SLC4A8: variants seen among roughly 807,000 people sequenced by gnomAD.
The protein encoded by SLC4A8 is solute carrier family 4 member 8.
Under a neutral mutation model 125.0 loss-of-function variants are expected in SLC4A8, and 40 were observed. That is an observed-to-expected ratio of 0.32 (90% CI 0.25 to 0.42). The LOEUF (loss-of-function observed/expected upper bound fraction) is 0.42. SLC4A8 is among the 10% of genes least tolerant of loss of function. The pLI is 1.00. For synonymous variants in SLC4A8, 456 were observed against 476.0 expected (o/e 0.96, Z 0.55); for missense variants, 863 against 1,355.1 (o/e 0.64, Z 5.70).
rs1937921142 is a variant in SLC4A8 at position 51,502,198 on chromosome 12, A to T, written c.3082-1831A>T. 3 of 152,254 alleles carry T rather than the reference A, an allele frequency of 2.0e-5. No individual in the cohort carries two copies. In the South Asian group the frequency reaches 6.2e-4, roughly 32 times the overall value. The allele number at this position is 152,254 out of a possible 1,614,324, so 9.4% of individuals were successfully genotyped here. On this transcript the variant is annotated intron_variant, in intron 22 of 24. Transcript: ENST00000453097. Reference sequence around the variant, plus strand: ...TCAGATTAGAAATGATTCTCTGAAAAAGAAATCATCTCTGATTTCTTTCAG... The same window carrying T: ...TCAGATTAGAAATGATTCTCTGAAATAGAAATCATCTCTGATTTCTTTCAG...
Position 51,503,342 on chromosome 12 carries a change from G to A in SLC4A8, c.3082-687G>A, listed in dbSNP as rs187868596. 7.4e-4 allele frequency among the ~76,000 whole-genome samples: 112 copies of A among 151,108 alleles called. 2 individuals are homozygous for A. In the East Asian group the frequency reaches 0.02, roughly 27 times the overall value. ...CGGGTTCACGCCATTCTCCGTCTCA[G>A]CTGGGACTACAGGCGCCCGCCACCA... On this transcript the variant is annotated intron_variant, in intron 22 of 24. Coordinates refer to ENST00000453097, the MANE Select transcript of SLC4A8 (RefSeq NM_001039960.3).
At chr12:51,430,887 T>C (rs1205699631) in intron 1 of SLC4A8, among the ~76,000 whole-genome samples, 1 of 152,204 alleles carries the variant, frequency 6.6e-6, no homozygotes, top group Admixed American at 6.5e-5. Context: ...AGTCATAATA[T>C]ATGTATTGGT....
chr12:51,496,433 TTC>T (rs1362186615), intron 21 of SLC4A8, among the ~76,000 whole-genome samples: 1 of 152,206 alleles, frequency 6.6e-6, no homozygotes, highest in Non-Finnish European at 1.5e-5. Context: ...GCGAGTCACT[TTC>T]TCTCTCTGGG....
chr12:51,460,589 T>G (rs1281907295), intron 8 of SLC4A8, among the ~76,000 whole-genome samples: 1 of 152,240 alleles, frequency 6.6e-6, no homozygotes, highest in African/African-American at 2.4e-5. Context: ...AAGTCTTATC[T>G]TCTCAGTTCT....
chr12:51,443,248 A>G (rs1949657383), intron 2 of SLC4A8, among the ~76,000 whole-genome samples: 1 of 152,094 alleles, frequency 6.6e-6, no homozygotes, highest in Admixed American at 6.6e-5. Context: ...CAGCCTCCCA[A>G]GTAGCTGGGG....
At chr12:51,400,503 GA>G (rs1165724033) in intron 1 of SLC4A8, among the ~76,000 whole-genome samples, 1 of 149,828 alleles carries the variant, frequency 6.7e-6, no homozygotes, top group Non-Finnish European at 1.5e-5. Context: ...GTGGTACTAA[GA>G]AAAAAAACCA....
chr12:51,441,886 A>T (rs1360143524), intron 2 of SLC4A8, among the ~76,000 whole-genome samples: 3 of 152,192 alleles, frequency 2.0e-5, no homozygotes, highest in African/African-American at 4.8e-5. Flanking sequence ...GTGTTTGGGT[A>T]TACCAAGGTG....
intron 17 of SLC4A8, among the ~76,000 whole-genome samples, chr12:51,488,312 G>A (rs927186226): frequency 2.0e-5 from 3 of 152,314 alleles, no homozygotes; most frequent in Non-Finnish European, 2.9e-5. Flanking sequence ...ATTAGAAAAT[G>A]TTTAGGGGGT....
At chr12:51,401,943 T>C (rs1215250723) in intron 1 of SLC4A8, among the ~76,000 whole-genome samples, 3 of 152,016 alleles carry the variant, frequency 2.0e-5, no homozygotes, top group Non-Finnish European at 4.4e-5. Flanking sequence ...TTTTCTATTT[T>C]TTTTTGTAGA....
In SLC4A8 at chr12:51,515,471, A is replaced by C. The variant is rs757309029; in HGVS notation, c.*8033A>C. The C allele has an allele frequency of 6.6e-6, 1 of 152,156 alleles. No individual in the cohort carries two copies. The highest frequency in any genetic ancestry group is 1.5e-5 in the Non-Finnish European group (1 of 68,046). The allele number at this position is 152,156 out of a possible 1,614,324, so 9.4% of individuals were successfully genotyped here. On this transcript the variant is annotated 3_prime_UTR_variant, in exon 25 of 25. Transcript: ENST00000453097. ...CTTCTTTCTAGTGGGTCTCATGTAG[A>C]GATAGAGATATTTTTTTGTTTTAGA...
intron 12 of SLC4A8, 99 bp from the exon 13 acceptor site, chr12:51,470,293 A>G (rs1395290831): frequency 3.4e-4 from 381 of 1,105,370 alleles, no homozygotes; most frequent in Non-Finnish European, 7.6e-5. Flanking sequence ...GCAAATGGCC[A>G]TCAAGGCACA....
At chr12:51,420,443 G>A (rs1437947011), upstream of SLC4A8, among the ~76,000 whole-genome samples, 2 of 152,282 alleles carry the variant, frequency 1.3e-5, no homozygotes, top group South Asian at 2.1e-4. Flanking sequence ...TTATATTTGT[G>A]TCTGTCTCTG....
In SLC4A8 at chr12:51,514,269, A is replaced by G. The variant is rs966432410; in HGVS notation, c.*6831A>G. ...CTAGCAGGGCATCCAGGAGCCTTGCACTGAACCTCTCAGCTCTTTTGACTT... is the reference window on the plus strand; with the variant it reads ...CTAGCAGGGCATCCAGGAGCCTTGCGCTGAACCTCTCAGCTCTTTTGACTT... On this transcript the variant is annotated 3_prime_UTR_variant, in exon 25 of 25. Transcript: ENST00000453097. 6.5e-6 allele frequency: 1 copy of G among 152,686 alleles called. No individual in the cohort carries two copies. The highest frequency in any genetic ancestry group is 2.4e-5 in the African/African-American group (1 of 41,456). The allele number at this position is 152,686 out of a possible 1,614,324, so 9.5% of individuals were successfully genotyped here.
chr12:51,434,224 A>G (rs1265413995), intron 1 of SLC4A8, among the ~76,000 whole-genome samples: 1 of 152,212 alleles, frequency 6.6e-6, no homozygotes, highest in East Asian at 1.9e-4. Flanking sequence ...TCTCAGACAT[A>G]TTATTTCATG....
chr12:51,413,709 G>A (rs920041432), intron 1 of SLC4A8, among the ~76,000 whole-genome samples: 1 of 152,090 alleles, frequency 6.6e-6, no homozygotes, highest in African/African-American at 2.4e-5. Context: ...TGCCTTTGTT[G>A]AAAATCAGTC....
At chr12:51,462,619 G>A in intron 10 of SLC4A8, 163 bp downstream of exon 10, 1 of 539,514 alleles carries the variant, frequency 1.9e-6, no homozygotes, top group Non-Finnish European at 3.0e-6. Context: ...TGGGCTGGGT[G>A]TGGTGGCTCA....
At chr12:51,428,339 C>A (rs1271593626) in intron 1 of SLC4A8, among the ~76,000 whole-genome samples, 1 of 152,146 alleles carries the variant, frequency 6.6e-6, no homozygotes, top group Non-Finnish European at 1.5e-5. Context: ...AGCAGAAAAT[C>A]TTCTCACCTA....
intron 1 of SLC4A8, among the ~76,000 whole-genome samples, chr12:51,412,268 T>C (rs1413448251): frequency 6.6e-6 from 1 of 152,188 alleles, no homozygotes; most frequent in African/African-American, 2.4e-5. Context: ...TTATGTTACT[T>C]GGATGTATAT....
rs748202314 is a variant in SLC4A8 at position 51,470,461 on chromosome 12, C to T, written c.1594C>T (p.Leu532Phe). 2 of 1,613,386 alleles carry T rather than the reference C, an allele frequency of 1.2e-6. No homozygotes were observed. Among genetic ancestry groups the T allele is most frequent in the Non-Finnish European group, 1.7e-6 (2 of 1,179,492 alleles). ...TTATTCCTTGTTTGCGGGACAGGCTCTCACCATCCTGGGAAGTACTGGACC... is the reference window on the plus strand; with the variant it reads ...TTATTCCTTGTTTGCGGGACAGGCTTTCACCATCCTGGGAAGTACTGGACC... ...IAYSLFAGQA[L>F]TILGSTGPVL... is the part of the protein sequence containing the mutation. Residue 532 changes from leucine (L) to phenylalanine (F), a missense_variant, in exon 13 of 25, where the codon CTC becomes TTC. Physicochemically the swap from Leu to Phe is conservative, Grantham distance 22 (BLOSUM62 0). This residue lies in a region of SLC4A8 where 390 missense variants were observed against 634.4 expected (regional missense o/e 0.61). Coordinates refer to ENST00000453097, the MANE Select transcript of SLC4A8 (RefSeq NM_001039960.3).
Sources: allele counts gnomAD v4.1 joint callset (sites outside exome capture counted in the v4.1 genomes callset), GRCh38; gene constraint gnomAD v4.1.1; regional missense constraint gnomAD v4.1.1; transcripts MANE v1.5; gene names NCBI Gene and HGNC (gene_info 2026-07-23, HGNC 2026-07-21).